Variants in WWP1 observed in about 807,000 individuals in gnomAD.
The protein encoded by WWP1 is WW domain containing E3 ubiquitin protein ligase 1, also known as NEDD4-like E3 ubiquitin-protein ligase WWP1.
Under a neutral mutation model 130.6 loss-of-function variants are expected in WWP1, and 49 were observed. The observed-to-expected ratio is 0.38, with a 90% CI of 0.30 to 0.48. The LOEUF (loss-of-function observed/expected upper bound fraction) is 0.48, where lower values mean the gene tolerates loss of function less well. Ranked by LOEUF, WWP1 falls within the 20% of genes least tolerant of loss-of-function variation. The probability of loss-of-function intolerance (pLI) is 0.99; values close to 1 mark genes in which losing one functional copy is unlikely to be tolerated. For missense variants in WWP1, 809 were observed against 1,100.6 expected, an observed-to-expected ratio of 0.74 and a Z score of 3.75; for synonymous variants, 332 against 367.8, an observed-to-expected ratio of 0.90 and a Z score of 1.11.
chr8:86,370,559 C>T (rs534429503), intron 2 of WWP1, among the ~76,000 whole-genome samples: 1 of 152,300 alleles, frequency 6.6e-6, no homozygotes, highest in South Asian at 2.1e-4. Flanking sequence ...TCTTGAGGCT[C>T]AGGATCCACA....
At position 86,428,438 on chromosome 8, in the gene WWP1, T is replaced by C. The variant is rs138850661; in HGVS notation, c.1332+621T>C. ...GATCATAGGAGGTAGAAAAGATAAA[T>C]TTTAAGTACTGGACAACTACAGATA... is the stretch of plus-strand genomic sequence containing the variant. On this transcript the variant is annotated intron_variant, in intron 11 of 24. Coordinates refer to ENST00000517970, the MANE Select transcript of WWP1 (RefSeq NM_007013.4). Among the ~76,000 whole-genome samples the C allele has an allele frequency of 9.9e-3, 1,501 of 152,258 alleles. 28 individuals are homozygous for C. The highest frequency in any genetic ancestry group is 0.034 in the African/African-American group (1,431 of 41,528).
chr8:86,445,420 C>A (rs1238265413), intron 18 of WWP1, among the ~76,000 whole-genome samples: 1 of 152,114 alleles, frequency 6.6e-6, no homozygotes, highest in African/African-American at 2.4e-5. Flanking sequence ...TGCTGAGCTC[C>A]CACCTGTACG....
intron 24 of WWP1, among the ~76,000 whole-genome samples, chr8:86,462,373 G>A (rs1204962174): frequency 2.0e-5 from 3 of 152,166 alleles, no homozygotes; most frequent in Non-Finnish European, 4.4e-5. Context: ...AGTAAACAAA[G>A]ACCCCGAAGA....
intron 21 of WWP1, among the ~76,000 whole-genome samples, chr8:86,453,889 CCT>C (rs1166109878): frequency 6.6e-6 from 1 of 152,224 alleles, no homozygotes; most frequent in East Asian, 1.9e-4. Flanking sequence ...CTTGGCATTT[CCT>C]CTCTGCCTGC....
At chr8:86,392,726 C>T (rs1452441518) in intron 5 of WWP1, among the ~76,000 whole-genome samples, 1 of 152,010 alleles carries the variant, frequency 6.6e-6, no homozygotes, top group African/African-American at 2.4e-5. Flanking sequence ...GTTTAGTTTA[C>T]TAAGACAAAT....
At chr8:86,379,931 G>T (rs1315670395) in intron 3 of WWP1, among the ~76,000 whole-genome samples, 1 of 152,112 alleles carries the variant, frequency 6.6e-6, no homozygotes, top group Non-Finnish European at 1.5e-5. Context: ...ATATAAAATG[G>T]TGCAGCCACT....
At chr8:86,405,700 A>G (rs1171431076) in intron 8 of WWP1, among the ~76,000 whole-genome samples, 3 of 151,880 alleles carry the variant, frequency 2.0e-5, no homozygotes, top group East Asian at 3.9e-4. Flanking sequence ...CCTGTCTAAT[A>G]TTAAGATTTT....
intron 24 of WWP1, among the ~76,000 whole-genome samples, chr8:86,465,946 G>C (rs1812078752): frequency 6.6e-6 from 1 of 152,092 alleles, no homozygotes; most frequent in African/African-American, 2.4e-5. Context: ...GGAGGGTCAA[G>C]GGCACATGGA....
intron 10 of WWP1, 69 bp downstream of exon 10, chr8:86,425,387 T>G (rs1809562602): frequency 8.4e-7 from 1 of 1,189,714 alleles, no homozygotes; most frequent in Non-Finnish European, 1.2e-6. Flanking sequence ...ATTTATTTAG[T>G]ACAGCGTAAT....
At chr8:86,435,770 T>C (rs1810254397) in intron 16 of WWP1, 66 bp downstream of exon 16, 1 of 1,525,732 alleles carries the variant, frequency 6.6e-7, no homozygotes, top group African/African-American at 1.4e-5. Context: ...CTAAAGAAAG[T>C]CAGGGTTTTA....
chr8:86,424,005 G>A (rs1180976647), intron 9 of WWP1, among the ~76,000 whole-genome samples: 12 of 105,452 alleles, frequency 1.1e-4, no homozygotes, highest in South Asian at 1.1e-3. Flanking sequence ...CCTCCCTCCC[G>A]GACGGGGCAG....
intron 24 of WWP1, among the ~76,000 whole-genome samples, chr8:86,463,870 G>A (rs542676885): frequency 6.6e-6 from 1 of 151,952 alleles, no homozygotes; most frequent in African/African-American, 2.4e-5. Context: ...AGACCAGCCT[G>A]GGCAACATGG....
chr8:86,405,502 G>C (rs1808229132), intron 8 of WWP1, among the ~76,000 whole-genome samples: 2 of 152,026 alleles, frequency 1.3e-5, no homozygotes, highest in African/African-American at 4.8e-5. Flanking sequence ...TCCAGGCATA[G>C]TGTAATATAC....
chr8:86,454,987 G>A (rs1049486361), intron 21 of WWP1, among the ~76,000 whole-genome samples: 6 of 151,928 alleles, frequency 3.9e-5, no homozygotes, highest in Admixed American at 3.3e-4. Flanking sequence ...CTAATCTGTT[G>A]TTCTTTCTTC....
At chr8:86,359,571 C>T (rs530979861) in intron 1 of WWP1, among the ~76,000 whole-genome samples, 2 of 152,186 alleles carry the variant, frequency 1.3e-5, no homozygotes, top group East Asian at 3.9e-4. Flanking sequence ...CCTTAACTTT[C>T]TTTCCAGACA....
intron 1 of WWP1, among the ~76,000 whole-genome samples, chr8:86,349,384 T>C (rs983780329): frequency 5.3e-5 from 8 of 152,226 alleles, no homozygotes; most frequent in Non-Finnish European, 8.8e-5. Flanking sequence ...CTTATTATAC[T>C]GGTTAAAGCA....
intron 8 of WWP1, 30 bp from the exon 9 acceptor site, chr8:86,411,508 T>C: frequency 6.3e-7 from 1 of 1,576,196 alleles, no homozygotes; most frequent in Non-Finnish European, 8.7e-7. Flanking sequence ...CATTACTTGA[T>C]AGATGATTTT....
intron 16 of WWP1, among the ~76,000 whole-genome samples, chr8:86,438,159 A>G (rs1810401519): frequency 6.6e-6 from 1 of 152,198 alleles, no homozygotes. Flanking sequence ...TTAGAAAATC[A>G]TAAGGAAGAT....
At chr8:86,454,009 C>A (rs1811312656) in intron 21 of WWP1, among the ~76,000 whole-genome samples, 1 of 152,060 alleles carries the variant, frequency 6.6e-6, no homozygotes, top group African/African-American at 2.4e-5. Context: ...AGATTTCATA[C>A]AGTAATATTC....
Sources: gnomAD v4.1 joint callset for allele counts (sites outside exome capture counted in the v4.1 genomes callset) on GRCh38, gnomAD v4.1.1 for gene constraint, MANE v1.5 for transcripts, NCBI Gene and HGNC (gene_info 2026-07-23, HGNC 2026-07-21) for gene names.